The following ABTB2 variants were observed in gnomAD, a reference collection of about 807,000 sequenced individuals.
The protein encoded by ABTB2 is ankyrin repeat and BTB domain containing 2.
Under a neutral mutation model 104.1 loss-of-function variants are expected in ABTB2, and 56 were observed. The ratio of observed to expected loss-of-function variants is 0.54; its 90% confidence interval spans 0.43 to 0.67. The LOEUF (loss-of-function observed/expected upper bound fraction) is 0.67. Among genes scored for constraint, ABTB2 ranks in the 30% least tolerant of loss-of-function variants. ABTB2 has a pLI of 0.00. For missense variants in ABTB2, 1,279 were observed against 1,407.7 expected, an observed-to-expected ratio of 0.91 and a Z score of 1.46; for synonymous variants, 606 against 608.2, an observed-to-expected ratio of 1.00 and a Z score of 0.05.
chr11:34,223,484 GGCT>G (rs1853651188), intron 1 of ABTB2, among the ~76,000 whole-genome samples: 1 of 152,160 alleles, frequency 6.6e-6, no homozygotes, highest in Admixed American at 6.5e-5. Flanking sequence ...TAGGAGCGTA[GGCT>G]GCTGCTACCT....
intron 11 of ABTB2, 21 bp from the exon 12 acceptor site, chr11:34,160,374 G>A (rs1193818475): frequency 2.6e-6 from 4 of 1,566,546 alleles, no homozygotes; most frequent in African/African-American, 2.7e-5. Flanking sequence ...AGGAGAGAGG[G>A]CCTGTGAGCT....
chr11:34,248,272 G>A (rs911369019), intron 1 of ABTB2, among the ~76,000 whole-genome samples: 1 of 151,480 alleles, frequency 6.6e-6, no homozygotes, highest in Non-Finnish European at 1.5e-5. Flanking sequence ...TAATTTTTTT[G>A]TAGAGGGTGG....
chr11:34,243,569 G>A (rs1295996647), intron 1 of ABTB2, among the ~76,000 whole-genome samples: 7 of 152,160 alleles, frequency 4.6e-5, no homozygotes, highest in Non-Finnish European at 8.8e-5. Context: ...CCTTTGATCC[G>A]CAAGGATAAT....
intron 3 of ABTB2, among the ~76,000 whole-genome samples, chr11:34,181,269 A>C (rs1031141422): frequency 6.6e-6 from 1 of 152,064 alleles, no homozygotes; most frequent in Non-Finnish European, 1.5e-5. Context: ...AACAAAAAAA[A>C]CAACCCTGTT....
chr11:34,180,577 C>T (rs1853013912), intron 3 of ABTB2, among the ~76,000 whole-genome samples: 3 of 152,212 alleles, frequency 2.0e-5, no homozygotes, highest in Non-Finnish European at 4.4e-5. Context: ...ACATAAAGGG[C>T]AGCACATGAA....
chr11:34,283,515 C>G, intron 1 of ABTB2, among the ~76,000 whole-genome samples: 1 of 152,126 alleles, frequency 6.6e-6, no homozygotes, highest in Non-Finnish European at 1.5e-5. Flanking sequence ...CACACCCAGC[C>G]TGTAAAAAAG....
chr11:34,157,551 T>G (rs564364495), intron 14 of ABTB2, among the ~76,000 whole-genome samples: 49 of 152,320 alleles, frequency 3.2e-4, no homozygotes, highest in Non-Finnish European at 5.0e-4. Context: ...ACCTGCCTCC[T>G]GCCTGATCTG....
intron 2 of ABTB2, among the ~76,000 whole-genome samples, chr11:34,202,262 G>GA (rs1853351560): frequency 6.6e-6 from 1 of 152,218 alleles, no homozygotes; most frequent in Non-Finnish European, 1.5e-5. Flanking sequence ...GCAGAGGCTT[G>GA]AAAATGTGAA....
chr11:34,291,815 A>T (rs919491528), intron 1 of ABTB2, among the ~76,000 whole-genome samples: 5 of 152,022 alleles, frequency 3.3e-5, no homozygotes, highest in Non-Finnish European at 7.4e-5. Context: ...TATTTTTTTA[A>T]TTTTTAAAAA....
intron 1 of ABTB2, among the ~76,000 whole-genome samples, chr11:34,319,121 T>C (rs950104111): frequency 3.3e-5 from 5 of 151,780 alleles, no homozygotes; most frequent in African/African-American, 1.2e-4. Context: ...AGCGCTGGAG[T>C]AGACACCACC....
At chr11:34,158,793 G>A (rs1253827511) in intron 14 of ABTB2, among the ~76,000 whole-genome samples, 2 of 152,220 alleles carry the variant, frequency 1.3e-5, no homozygotes, top group Non-Finnish European at 2.9e-5. Context: ...TGTGCCTCAC[G>A]GCCACGTGTT....
At chr11:34,319,426 A>G (rs977457112) in intron 1 of ABTB2, among the ~76,000 whole-genome samples, 1 of 152,196 alleles carries the variant, frequency 6.6e-6, no homozygotes, top group Non-Finnish European at 1.5e-5. Flanking sequence ...GGGAGGAGAA[A>G]CCTAGGTGTG....
At chr11:34,324,949 C>T (rs184563513) in intron 1 of ABTB2, among the ~76,000 whole-genome samples, 2 of 152,332 alleles carry the variant, frequency 1.3e-5, no homozygotes, top group Admixed American at 1.3e-4. Flanking sequence ...GATTCGGTCA[C>T]AGTTAGAGTG....
intron 1 of ABTB2, among the ~76,000 whole-genome samples, chr11:34,206,638 G>C (rs1345706945): frequency 6.6e-6 from 1 of 152,164 alleles, no homozygotes; most frequent in Non-Finnish European, 1.5e-5. Flanking sequence ...CAATATGGCT[G>C]TATTATTACT....
At chr11:34,199,767 C>T (rs1853313034) in intron 2 of ABTB2, among the ~76,000 whole-genome samples, 1 of 152,168 alleles carries the variant, frequency 6.6e-6, no homozygotes, top group Admixed American at 6.5e-5. Flanking sequence ...ATAGTATCTA[C>T]CCTACTGATT....
At chr11:34,209,323 C>G (rs1022722) in intron 1 of ABTB2, among the ~76,000 whole-genome samples, 85,270 of 151,092 alleles carry the variant, frequency 0.56, 25,372 homozygotes, top group East Asian at 0.73. Flanking sequence ...GCCTGGGCAA[C>G]AGAGTGAGCC....
In ABTB2 at chr11:34,160,358, G is replaced by T; in HGVS notation, c.2398-5C>A. On this transcript the variant is annotated splice_polypyrimidine_tract_variant and splice_region_variant and intron_variant, in intron 11 of 16. Transcript: ENST00000435224. ...TTGCTGGATGACGGAGTCGTTCTGT[G>T]GGGAGAGGAGAGAGGGCCTGTGAGC... is the stretch of plus-strand genomic sequence containing the variant. 2 of 1,611,040 alleles carry T rather than the reference G, an allele frequency of 1.2e-6. No individual in the cohort carries two copies. Among genetic ancestry groups the T allele is most frequent in the Non-Finnish European group, 1.7e-6 (2 of 1,177,280 alleles).
intron 3 of ABTB2, among the ~76,000 whole-genome samples, chr11:34,196,937 G>A (rs1156385940): frequency 6.6e-6 from 1 of 152,200 alleles, no homozygotes; most frequent in Non-Finnish European, 1.5e-5. Context: ...ACTGGCCAAG[G>A]GCCAGTTCCC....
At chr11:34,165,163 T>TCCA (rs1852780665) in intron 8 of ABTB2, 97 bp downstream of exon 8, 1 of 1,159,900 alleles carries the variant, frequency 8.6e-7, no homozygotes, top group African/African-American at 1.6e-5. Flanking sequence ...GGTCCGTGTG[T>TCCA]GCTAAAGAGA....
Sources: allele counts gnomAD v4.1 joint callset (sites outside exome capture counted in the v4.1 genomes callset), GRCh38; gene constraint gnomAD v4.1.1; transcripts MANE v1.5; gene names NCBI Gene and HGNC (gene_info 2026-07-23, HGNC 2026-07-21).